The following LRRC74B variants were observed in gnomAD, a reference collection of about 807,000 sequenced individuals.
LRRC74B encodes the protein leucine rich repeat containing 74B, also known as leucine-rich repeat-containing protein 74B.
Under a neutral mutation model 16.6 loss-of-function variants are expected in LRRC74B, and 30 were observed. The ratio of observed to expected loss-of-function variants is 1.80; its 90% CI spans 1.35 to 2.45. The LOEUF (loss-of-function observed/expected upper bound fraction) is 2.45, where lower values mean the gene tolerates loss of function less well. LRRC74B is among the 30% of genes most tolerant of loss of function. The pLI is 0.00. For missense variants in LRRC74B, 326 were observed against 202.4 expected (o/e 1.61, Z -3.71); for synonymous variants, 134 against 86.0 (o/e 1.56, Z -3.09).
chr22:21,061,843 G>A (rs1930821402), downstream of LRRC74B: 1 of 152,070 alleles, frequency 6.6e-6, no homozygotes, highest in Non-Finnish European at 1.5e-5. Context: ...TAAATGCAAT[G>A]TGGTATATCC....
intron 4 of LRRC74B, among the ~76,000 whole-genome samples, chr22:21,050,277 C>T (rs1259337774): frequency 2.0e-5 from 3 of 152,024 alleles, no homozygotes; most frequent in South Asian, 2.1e-4. Flanking sequence ...CCTTGTGATC[C>T]GCCCGCCTTG....
At chr22:21,047,474 C>T in exon 2 of LRRC74B, 2 of 717,532 alleles carry the variant, frequency 2.8e-6, no homozygotes, top group Non-Finnish European at 5.2e-6. Context: ...AGCTGAACCT[C>T]CGGCACCGTG....
chr22:21,047,452 G>T, exon 2 of LRRC74B: 1 of 717,512 alleles, frequency 1.4e-6, no homozygotes, highest in Non-Finnish European at 2.6e-6. Flanking sequence ...CTGCGCCAAG[G>T]GAGCGCCCAA....
intron 8 of LRRC74B, among the ~76,000 whole-genome samples, chr22:21,058,831 A>G (rs565135422): frequency 6.6e-6 from 1 of 152,376 alleles, no homozygotes; most frequent in Admixed American, 6.5e-5. Flanking sequence ...GGTCATTATC[A>G]GAAGCCCCTA....
chr22:21,057,166 A>G (rs1930584036), exon 8 of LRRC74B: 3 of 717,428 alleles, frequency 4.2e-6, no homozygotes, highest in Non-Finnish European at 7.8e-6. Flanking sequence ...GTCCAGGACA[A>G]TCCAGCCTCT....
At position 21,056,870 on chromosome 22, in the gene LRRC74B, A is replaced by C. The variant is rs1011522504; in HGVS notation, c.928-235A>C. ...CCCAGCAGGCAAGTTCTTAAAGGCAAGGGTGTGTCTTGTGTGTCTATATCA... is the reference window on the plus strand; with the variant it reads ...CCCAGCAGGCAAGTTCTTAAAGGCACGGGTGTGTCTTGTGTGTCTATATCA... On this transcript the variant is annotated intron_variant, in intron 7 of 8. Transcript: ENST00000442047. 4 of 492,378 alleles carry C rather than the reference A, an allele frequency of 8.1e-6. No individual in the cohort carries two copies. In the Admixed American group the frequency reaches 1.5e-4, roughly 18 times the overall value. 30.5% of individuals were successfully genotyped at this position (492,378 alleles called of 1,614,324 possible). A position where few individuals can be genotyped will look rare whatever the true frequency, so the allele number is the denominator to read the frequency against.
downstream of LRRC74B, chr22:21,063,905 G>T (rs138502695): frequency 0.024 from 3,627 of 152,730 alleles, 56 homozygotes; most frequent in Non-Finnish European, 0.037. Flanking sequence ...AGCCCGAGAG[G>T]TGGAGGTTGC....
rs1929672681 is a variant in LRRC74B at position 21,048,420 on chromosome 22, A to G, written c.415+404A>G. The stretch of plus-strand genomic sequence containing the variant: ...ATCCAAATGCCAGTTCTGCCACTGA[A>G]GAGCTGGATACCTGGGCAAGCAGCT... On this transcript the variant is annotated intron_variant, in intron 3 of 8. Transcript: ENST00000442047. 2.5e-5 allele frequency: 7 copies of G among 277,246 alleles called. No individual in the cohort carries two copies. In the South Asian group the frequency reaches 3.1e-4, roughly 12 times the overall value. The allele number at this position is 277,246 out of a possible 1,614,324, so 17.2% of individuals were successfully genotyped here.
At chr22:21,048,369 G>A in intron 3 of LRRC74B, 1 of 294,620 alleles carries the variant, frequency 3.4e-6, no homozygotes, top group Middle Eastern at 1.2e-3. Context: ...AAGCAGGTAG[G>A]CAATGTGGGA....
chr22:21,053,386 CA>C lies in LRRC74B; in HGVS notation c.760del (p.Ile254SerfsTer18). ...CAAACATCTTCCTTAAAGTTCTAGACATCTCATACAATGGCTTTGGGGATCC... is the reference window on the plus strand; with the variant it reads ...CAAACATCTTCCTTAAAGTTCTAGACTCTCATACAATGGCTTTGGGGATCC... On this transcript the variant is annotated frameshift_variant, in exon 6 of 9. Coordinates refer to ENST00000442047, the Ensembl canonical transcript of LRRC74B. LOFTEE classifies it high-confidence loss of function. The C allele has an allele frequency of 5.6e-6, 4 of 717,348 alleles. No individual in the cohort carries two copies. The South Asian group carries it at 5.9e-5, about 11-fold the overall frequency. 44.4% of individuals were successfully genotyped at this position (717,348 alleles called of 1,614,324 possible). A position where few individuals can be genotyped will look rare whatever the true frequency, so the allele number is the denominator to read the frequency against.
At chr22:21,051,965 G>A (rs368021299) in intron 4 of LRRC74B, among the ~76,000 whole-genome samples, 26 of 152,268 alleles carry the variant, frequency 1.7e-4, no homozygotes, top group African/African-American at 6.3e-4. Flanking sequence ...TCAGTCCTGA[G>A]TTATCTCCTC....
intron 1 of LRRC74B, among the ~76,000 whole-genome samples, chr22:21,046,991 G>T (rs1357549568): frequency 6.6e-6 from 1 of 151,850 alleles, no homozygotes; most frequent in Non-Finnish European, 1.5e-5. Context: ...TACTCGGGAG[G>T]CTGAGGCAGG....
At position 21,060,525 on chromosome 22, in the gene LRRC74B, G is replaced by A. The variant is rs1039913789; in HGVS notation, c.1176G>A (p.Lys392=). The change falls in exon 9 of 9, where the codon AAG becomes AAA. Residue 392 remains lysine (K), a synonymous_variant. Transcript: ENST00000442047. Reference sequence around the variant, plus strand: ...CAGCCCTGCCAGCGTCTGTCCCTAAGTGACCTTGGAGTGTGGCTTCCTCAT... The same window carrying A: ...CAGCCCTGCCAGCGTCTGTCCCTAAATGACCTTGGAGTGTGGCTTCCTCAT... 4.2e-6 allele frequency: 3 copies of A among 709,134 alleles called. 1 individual carries two copies. Among genetic ancestry groups the A allele is most frequent in the African/African-American group, 3.5e-5 (2 of 57,066 alleles). 43.9% of individuals were successfully genotyped at this position (709,134 alleles called of 1,614,324 possible).
intron 1 of LRRC74B, 40 bp downstream of exon 1, chr22:21,046,165 G>C (rs1368793462): frequency 1.4e-6 from 1 of 713,596 alleles, no homozygotes. Flanking sequence ...CTCCCCTTTG[G>C]GGGTCTTCTC....
At chr22:21,048,845 G>A (rs919781566) in intron 3 of LRRC74B, 106 bp from the exon 4 acceptor site, 3 of 652,944 alleles carry the variant, frequency 4.6e-6, no homozygotes, top group African/African-American at 3.6e-5. Flanking sequence ...CAGTTAACCT[G>A]TAAGTCCCCT....
At chr22:21,047,945 G>T in exon 3 of LRRC74B, 1 of 717,392 alleles carries the variant, frequency 1.4e-6, no homozygotes, top group East Asian at 2.7e-5. Flanking sequence ...CTGGACCTTC[G>T]AGACAATGGG....
intron 7 of LRRC74B, among the ~76,000 whole-genome samples, chr22:21,055,926 C>A (rs537357449): frequency 1.4e-4 from 21 of 152,256 alleles, no homozygotes; most frequent in African/African-American, 5.1e-4. Context: ...CCTCTAAGGG[C>A]CACCTCCTGG....
chr22:21,055,791 C>T (rs1018685314), intron 7 of LRRC74B, among the ~76,000 whole-genome samples: 3 of 152,226 alleles, frequency 2.0e-5, no homozygotes, highest in African/African-American at 7.2e-5. Context: ...TCCCCTGCTT[C>T]CTGCCTCACA....
At chr22:21,046,195 C>T in intron 1 of LRRC74B, 70 bp downstream of exon 1, 1 of 699,558 alleles carries the variant, frequency 1.4e-6, no homozygotes. Flanking sequence ...TTGGGGGAGG[C>T]GGGCTGGGGC....
Sources: allele counts gnomAD v4.1 joint callset (sites outside exome capture counted in the v4.1 genomes callset), GRCh38; gene constraint gnomAD v4.1.1; transcripts MANE v1.5; gene names NCBI Gene and HGNC (gene_info 2026-07-23, HGNC 2026-07-21).